EXOC4: variants seen among roughly 807,000 people sequenced by gnomAD.
EXOC4 encodes SEC8-like 1.
In EXOC4, 71 loss-of-function variants were observed where a neutral mutation model predicts 107.2. The observed-to-expected ratio is 0.66, with a 90% CI of 0.55 to 0.81. EXOC4 has a LOEUF of 0.81. EXOC4 is among the 30% of genes least tolerant of loss of function. The pLI is 0.00. For synonymous variants in EXOC4, 456 were observed against 441.2 expected, an observed-to-expected ratio of 1.03 and a Z score of -0.42; for missense variants, 1,108 against 1,189.6, an observed-to-expected ratio of 0.93 and a Z score of 1.01.
chr7:133,833,080 AC>A (rs1199794900), intron 11 of EXOC4, among the ~76,000 whole-genome samples: 1 of 152,162 alleles, frequency 6.6e-6, no homozygotes, highest in Non-Finnish European at 1.5e-5. Context: ...ACACACATAC[AC>A]ACCCCAAACC....
chr7:133,544,180 G>A (rs73150810), intron 9 of EXOC4, among the ~76,000 whole-genome samples: 1,993 of 152,138 alleles, frequency 0.013, 26 homozygotes, highest in Non-Finnish European at 0.016. Context: ...CTTGCAGCCT[G>A]AGAAATATAT....
At chr7:133,662,343 G>A (rs555778221) in intron 10 of EXOC4, among the ~76,000 whole-genome samples, 7 of 152,134 alleles carry the variant, frequency 4.6e-5, no homozygotes, top group Non-Finnish European at 7.4e-5. Flanking sequence ...AGCCAGTTTC[G>A]GGAAACCATG....
rs55948935 is a variant in EXOC4, at chr7:133,347,086, C to T, written c.764-9244C>T. Among the ~76,000 whole-genome samples, 921 of 152,166 alleles carry T rather than the reference C, an allele frequency of 6.1e-3. 9 individuals carry two copies. The highest frequency in any genetic ancestry group is 0.021 in the African/African-American group (867 of 41,490). On this transcript the variant is annotated intron_variant, in intron 5 of 17. Coordinates refer to ENST00000253861, the MANE Select transcript of EXOC4 (RefSeq NM_021807.4). ...TGGTCTAGATTGCTTTCTGTACTCA[C>T]TAGGACACGAAGTAATTTTTTAAAT...
chr7:133,589,540 A>G (rs934763949), intron 9 of EXOC4, among the ~76,000 whole-genome samples: 24 of 152,188 alleles, frequency 1.6e-4, no homozygotes, highest in African/African-American at 5.5e-4. Flanking sequence ...TAAAATTTCC[A>G]TTGAAAGCTC....
intron 10 of EXOC4, among the ~76,000 whole-genome samples, chr7:133,666,929 T>TA (rs1304316788): frequency 2.0e-5 from 3 of 152,206 alleles, no homozygotes; most frequent in Non-Finnish European, 4.4e-5. Context: ...TACAGATTCT[T>TA]ACATGCATAT....
intron 7 of EXOC4, among the ~76,000 whole-genome samples, chr7:133,407,063 T>C (rs1192807934): frequency 6.6e-6 from 1 of 152,196 alleles, no homozygotes; most frequent in Non-Finnish European, 1.5e-5. Context: ...TCTGTGTTTG[T>C]CCTTGCTAAG....
downstream of EXOC4, among the ~76,000 whole-genome samples, chr7:134,071,091 C>T (rs1796268038): frequency 6.6e-6 from 1 of 152,188 alleles, no homozygotes; most frequent in South Asian, 2.1e-4. Context: ...ATTTATGGAA[C>T]ACTTCATGTG....
intron 15 of EXOC4, among the ~76,000 whole-genome samples, chr7:133,999,419 A>C (rs1312719123): frequency 6.6e-6 from 1 of 152,168 alleles, no homozygotes; most frequent in Non-Finnish European, 1.5e-5. Flanking sequence ...GGAACAAGAG[A>C]AGTAACATTG....
chr7:134,039,517 C>T (rs1237924586), intron 17 of EXOC4, among the ~76,000 whole-genome samples: 1 of 152,138 alleles, frequency 6.6e-6, no homozygotes, highest in Non-Finnish European at 1.5e-5. Context: ...CAGGCAATCA[C>T]ACATACTAAT....
rs150668591 is a variant in EXOC4 at position 133,925,457 on chromosome 7, T to C, written c.2027+7719T>C. The stretch of plus-strand genomic sequence containing the variant: ...CCTTTTGAGATCAATGATTATCTGC[T>C]GATAAAAGGCATTCCTGCTTTCTGG... On this transcript the variant is annotated intron_variant, in intron 13 of 17. Transcript: ENST00000253861. Among the ~76,000 whole-genome samples the C allele has an allele frequency of 6.6e-5, 10 of 152,312 alleles. No individual in the cohort carries two copies. The East Asian group carries it at 1.7e-3, about 26-fold the overall frequency.
At chr7:133,509,079 G>GAAA (rs1799718343) in intron 9 of EXOC4, among the ~76,000 whole-genome samples, 1 of 152,086 alleles carries the variant, frequency 6.6e-6, no homozygotes, top group Non-Finnish European at 1.5e-5. Context: ...TAAGGTGGCA[G>GAAA]TGTTTCCAGT....
At chr7:133,972,159 A>G (rs1012653996) in intron 14 of EXOC4, among the ~76,000 whole-genome samples, 1 of 152,266 alleles carries the variant, frequency 6.6e-6, no homozygotes, top group African/African-American at 2.4e-5. Flanking sequence ...ACTGAAGTAT[A>G]AAAGGTATGA....
chr7:133,762,662 T>A (rs997429550), intron 10 of EXOC4, among the ~76,000 whole-genome samples: 4 of 152,144 alleles, frequency 2.6e-5, no homozygotes, highest in Non-Finnish European at 5.9e-5. Flanking sequence ...GAACGTAAGT[T>A]AATCATGCTG....
chr7:133,649,865 T>A (rs1434989806), intron 10 of EXOC4, among the ~76,000 whole-genome samples: 2 of 152,194 alleles, frequency 1.3e-5, no homozygotes, highest in East Asian at 3.8e-4. Context: ...GTGAATGATT[T>A]TAAGAGCATA....
At chr7:133,855,188 G>A (rs1298221327) in intron 11 of EXOC4, among the ~76,000 whole-genome samples, 1 of 136,056 alleles carries the variant, frequency 7.3e-6, no homozygotes, top group East Asian at 2.1e-4. Flanking sequence ...GCAAAGAGAA[G>A]TGGACAGTTG....
intron 13 of EXOC4, among the ~76,000 whole-genome samples, chr7:133,933,296 T>G (rs1800223436): frequency 6.6e-6 from 1 of 152,172 alleles, no homozygotes; most frequent in Non-Finnish European, 1.5e-5. Context: ...GTGGTAAAAA[T>G]TAGGCTTAAC....
intron 5 of EXOC4, among the ~76,000 whole-genome samples, chr7:133,343,854 T>A (rs1795722977): frequency 6.6e-6 from 1 of 151,846 alleles, no homozygotes; most frequent in South Asian, 2.1e-4. Flanking sequence ...TTTTTGGTTA[T>A]CCAGGCTGGA....
chr7:133,828,543 A>T (rs1028744722), intron 11 of EXOC4, among the ~76,000 whole-genome samples: 1 of 152,118 alleles, frequency 6.6e-6, no homozygotes, highest in Non-Finnish European at 1.5e-5. Context: ...GAGAAACAAG[A>T]CTATCTCAGC....
intron 17 of EXOC4, among the ~76,000 whole-genome samples, chr7:134,027,553 G>C (rs1421971262): frequency 1.3e-5 from 2 of 151,560 alleles, no homozygotes; most frequent in African/African-American, 2.4e-5. Flanking sequence ...AGCTACTCAG[G>C]AGGCTGAGGC....
Sources: allele counts gnomAD v4.1 joint callset (sites outside exome capture counted in the v4.1 genomes callset), GRCh38; gene constraint gnomAD v4.1.1; transcripts MANE v1.5; gene names NCBI Gene and HGNC (gene_info 2026-07-23, HGNC 2026-07-21).